F7: variants seen among roughly 807,000 people sequenced by gnomAD.
F7 encodes coagulation factor VII, also known as FVII coagulation protein.
A neutral mutation model predicts 47.5 loss-of-function variants in F7; 38 were observed. The ratio of observed to expected loss-of-function variants is 0.80; its 90% CI spans 0.62 to 1.05. F7 has a LOEUF of 1.05. F7 is among the 50% of genes least tolerant of loss of function. The probability of loss-of-function intolerance (pLI) is 0.00; values close to 1 mark genes in which losing one functional copy is unlikely to be tolerated. For synonymous variants in F7, 244 were observed against 258.5 expected (o/e 0.94, Z 0.54); for missense variants, 575 against 605.4 (o/e 0.95, Z 0.53).
chr13:113,116,882 C>T lies in F7; in HGVS notation c.615+7C>T, dbSNP rs1441689067. The T allele has an allele frequency of 1.2e-6, 2 of 1,600,456 alleles. No homozygotes were observed. The highest frequency in any genetic ancestry group is 1.7e-5 in the Admixed American group (1 of 60,020). On this transcript the variant is annotated splice_region_variant and intron_variant, in intron 6 of 7. Transcript: ENST00000346342. ...AGGGGAGTGTCCATGGCAGGTAAGG[C>T]TTCCCCTGGCTTCAGGATTCCAAGC...
At chr13:113,114,926 C>G (rs2036167636) in intron 4 of F7, 1 of 154,476 alleles carries the variant, frequency 6.5e-6, no homozygotes, top group African/African-American at 2.4e-5. Flanking sequence ...TGAATGAGCT[C>G]TCCTGTGCAG....
At chr13:113,115,598 C>G in intron 4 of F7, 62 bp from the exon 5 acceptor site, 2 of 1,576,632 alleles carry the variant, frequency 1.3e-6, no homozygotes. Context: ...ATGGCCACCC[C>G]GGGGGCTGGC....
At chr13:113,109,761 A>G (rs2036053184) in intron 1 of F7, among the ~76,000 whole-genome samples, 1 of 152,006 alleles carries the variant, frequency 6.6e-6, no homozygotes, top group Non-Finnish European at 1.5e-5. Flanking sequence ...GGGCTGAGGC[A>G]GGTTCGGGCA....
At chr13:113,111,002 G>A (rs972129722) in intron 2 of F7, 152 bp downstream of exon 2, 73 of 876,286 alleles carry the variant, frequency 8.3e-5, no homozygotes, top group South Asian at 3.8e-4. Flanking sequence ...GTCGCTTTCC[G>A]CCCGGGGTGA....
intron 2 of F7, 76 bp downstream of exon 2, chr13:113,110,926 C>G (rs1368616701): frequency 6.7e-7 from 1 of 1,497,468 alleles, no homozygotes; most frequent in Non-Finnish European, 9.0e-7. Flanking sequence ...GGGCCGCCTG[C>G]GTCTCTTTGG....
intron 7 of F7, among the ~76,000 whole-genome samples, 181 bp from the exon 8 acceptor site, chr13:113,118,232 C>G (rs3093247): frequency 6.6e-6 from 1 of 152,206 alleles, no homozygotes; most frequent in African/African-American, 2.4e-5. Flanking sequence ...TGTCCCCACA[C>G]GAGCCACAGG....
In F7 at chr13:113,113,640, C is replaced by G. The variant is rs946184970; in HGVS notation, c.226-112C>G. On this transcript the variant is annotated intron_variant, in intron 2 of 7. Transcript: ENST00000346342. This position sits in a 1 kb window ranked among gnomAD's most constrained non-coding sequence, Gnocchi z 4.1. ...AAAGTCTGGCTTCCTGAGCCCACCC[C>G]GCCAGACCCAGGTCCAAGTCCCCCA... The G allele has an allele frequency of 4.0e-5, 45 of 1,135,124 alleles. No individual in the cohort carries two copies. The Middle Eastern group carries it at 1.0e-3, about 26-fold the overall frequency. 70.3% of individuals were successfully genotyped at this position (1,135,124 alleles called of 1,614,324 possible).
chr13:113,109,829 C>T (rs770875284), intron 1 of F7, among the ~76,000 whole-genome samples: 2 of 152,198 alleles, frequency 1.3e-5, no homozygotes, highest in African/African-American at 4.8e-5. Flanking sequence ...CCACAGCTCA[C>T]GGCGCTCCCG....
intron 4 of F7, chr13:113,114,900 G>A (rs2036167145): frequency 6.5e-6 from 1 of 153,108 alleles, no homozygotes; most frequent in South Asian, 2.1e-4. Flanking sequence ...GACCACCCAA[G>A]ACCACATTCT....
chr13:113,114,512 TC>T (rs1192474550), intron 4 of F7: 2 of 173,052 alleles, frequency 1.2e-5, no homozygotes, highest in African/African-American at 4.8e-5. Context: ...GGCACAAGCT[TC>T]CCCTTGTCCT....
rs1272399692 is a variant in F7, at chr13:113,109,521, G to A, written c.65-1169G>A. ...CGTGGCCCAGTAGCGCTCACCTTCC[G>A]TCCCTTCTTCCGCGCTCAGTAACCA... On this transcript the variant is annotated intron_variant, in intron 1 of 7. Coordinates refer to ENST00000346342, the MANE Select transcript of F7 (RefSeq NM_019616.4). Among the ~76,000 whole-genome samples, 6 of 152,276 alleles carry A rather than the reference G, an allele frequency of 3.9e-5. No homozygotes were observed. The South Asian group carries it at 6.2e-4, about 16-fold the overall frequency.
intron 5 of F7, 54 bp downstream of exon 5, chr13:113,115,854 G>T (rs890253603): frequency 1.9e-6 from 3 of 1,610,178 alleles, no homozygotes; most frequent in Non-Finnish European, 2.5e-6. Context: ...GTCCCACTAC[G>T]GATTATCTTA....
chr13:113,119,243 T>C lies in F7; in HGVS notation c.*235T>C, dbSNP rs2036258235. The C allele has an allele frequency of 3.5e-6, 2 of 574,940 alleles. No homozygotes were observed. Among genetic ancestry groups the C allele is most frequent in the Admixed American group, 3.1e-5 (1 of 32,348 alleles). 35.6% of individuals were successfully genotyped at this position (574,940 alleles called of 1,614,324 possible). On this transcript the variant is annotated 3_prime_UTR_variant, in exon 8 of 8. Coordinates refer to ENST00000346342, the MANE Select transcript of F7 (RefSeq NM_019616.4). ...AGACTCCAAGATTCAAAGAGACTAA[T>C]AGAGACACAGAGATGGAATAGAAAA...
intron 1 of F7, among the ~76,000 whole-genome samples, chr13:113,109,741 C>G (rs2036052873): frequency 6.6e-6 from 1 of 152,176 alleles, no homozygotes; most frequent in Non-Finnish European, 1.5e-5. Context: ...CCAGGCCCGT[C>G]TCCCCTCGCG....
Position 113,107,832 on chromosome 13 carries a change from G to A in F7, c.64+1927G>A, listed in dbSNP as rs188920022. 4.4e-3 allele frequency among the ~76,000 whole-genome samples: 240 copies of A among 54,552 alleles called. 15 individuals carry two copies. The highest frequency in any genetic ancestry group is 8.0e-3 in the Non-Finnish European group (189 of 23,506). The allele number at this position is 54,552 out of a possible 152,430, so 35.8% of individuals were successfully genotyped here. ...GGTGTCCCGGGAGTGTGCGTGTCCCGGGGGCGTGGGTGTCCCGGGGGCGTG... is the reference window on the plus strand; with the variant it reads ...GGTGTCCCGGGAGTGTGCGTGTCCCAGGGGCGTGGGTGTCCCGGGGGCGTG... On this transcript the variant is annotated intron_variant, in intron 1 of 7. Transcript: ENST00000346342.
Position 113,117,467 on chromosome 13 carries a change from G to C in F7, c.616-6G>C. On this transcript the variant is annotated splice_polypyrimidine_tract_variant and splice_region_variant and intron_variant, in intron 6 of 7. Transcript: ENST00000346342. ...TGACTTCCACACCTCCTGTCCCCCC[G>C]CCCAGGTCCTGTTGTTGGTGAATGG... The C allele has an allele frequency of 6.2e-7, 1 of 1,613,840 alleles. No individual in the cohort carries two copies. Among genetic ancestry groups the C allele is most frequent in the Non-Finnish European group, 8.5e-7 (1 of 1,179,778 alleles).
At chr13:113,108,806 G>A (rs1444918551) in intron 1 of F7, among the ~76,000 whole-genome samples, 10 of 74,760 alleles carry the variant, frequency 1.3e-4, no homozygotes, top group Non-Finnish European at 2.0e-4. Flanking sequence ...GTGTCCCGGG[G>A]GCGTGGGTGT....
At chr13:113,109,562 G>T (rs1433792815) in intron 1 of F7, among the ~76,000 whole-genome samples, 1 of 152,190 alleles carries the variant, frequency 6.6e-6, no homozygotes, top group Non-Finnish European at 1.5e-5. Flanking sequence ...GGCCGCTCCT[G>T]CAGAACTCGG....
intron 4 of F7, 31 bp from the exon 5 acceptor site, chr13:113,115,629 C>A (rs767070264): frequency 6.2e-7 from 1 of 1,609,240 alleles, no homozygotes; most frequent in African/African-American, 1.3e-5. Flanking sequence ...CCCCAGAAGC[C>A]CCTCTCAGGG....
Sources: allele counts gnomAD v4.1 joint callset (sites outside exome capture counted in the v4.1 genomes callset), GRCh38; gene constraint gnomAD v4.1.1; non-coding constraint Gnocchi (gnomAD v3.1); transcripts MANE v1.5; gene names NCBI Gene and HGNC (gene_info 2026-07-23, HGNC 2026-07-21).